COL4A2: variants seen among roughly 807,000 people sequenced by gnomAD.
COL4A2 encodes the protein collagen type IV alpha 2 chain.
A neutral mutation model predicts 200.2 loss-of-function variants in COL4A2; 99 were observed. The ratio of observed to expected loss-of-function variants is 0.49; its 90% CI spans 0.42 to 0.58. The LOEUF (loss-of-function observed/expected upper bound fraction) is 0.58, where lower values mean the gene tolerates loss of function less well. Among genes scored for constraint, COL4A2 ranks in the 20% least tolerant of loss-of-function variants. COL4A2 has a pLI of 0.00. For synonymous variants in COL4A2, 897 were observed against 900.6 expected, an observed-to-expected ratio of 1.00 and a Z score of 0.07; for missense variants, 1,950 against 2,314.1, an observed-to-expected ratio of 0.84 and a Z score of 3.23.
intron 20 of COL4A2, among the ~76,000 whole-genome samples, chr13:110,452,880 A>C (rs1310170431): frequency 6.6e-6 from 1 of 152,002 alleles, no homozygotes; most frequent in African/African-American, 2.4e-5. Flanking sequence ...TTCCCACCTC[A>C]GCCTCTTGAG....
In COL4A2 at chr13:110,424,780, G is replaced by C; in HGVS notation, c.227G>C (p.Gly76Ala). The C allele has an allele frequency of 6.2e-7, 1 of 1,613,258 alleles. No homozygotes were observed. Among genetic ancestry groups the C allele is most frequent in the Non-Finnish European group, 8.5e-7 (1 of 1,179,208 alleles). The part of the protein sequence containing the change: ...VGPQGYNGPP[G>A]LQGFPGLQGR... ...CCCCAGGGGTACAATGGGCCACCAGGATTACAAGGATTCCCGGGACTGCAG... is the reference window on the plus strand; with the variant it reads ...CCCCAGGGGTACAATGGGCCACCAGCATTACAAGGATTCCCGGGACTGCAG... The change falls in exon 5 of 48, where the codon GGA becomes GCA. Residue 76 changes from glycine to alanine, a missense_variant. Physicochemically the swap from Gly to Ala is moderately conservative, Grantham distance 60 (BLOSUM62 0). This residue lies in a region of COL4A2 where 565 missense variants were observed against 593.5 expected (regional missense o/e 0.95). Transcript: ENST00000360467.
At chr13:110,385,539 G>GCCGTGGCTGCAGTGTGTGGATAGA (rs1878675684) in intron 4 of COL4A2, among the ~76,000 whole-genome samples, 1 of 21,984 alleles carries the variant, frequency 4.5e-5, no homozygotes, top group African/African-American at 1.4e-4. Context: ...GCGTGGATAG[G>GCCGTGGCTGCAGTGTGTGGATAGA]CCGTGGTTGC....
chr13:110,413,088 A>T (rs531605112), intron 4 of COL4A2, among the ~76,000 whole-genome samples: 1 of 152,254 alleles, frequency 6.6e-6, no homozygotes, highest in South Asian at 2.1e-4. Flanking sequence ...GAGGGGACTA[A>T]AGGAGAGGGT....
chr13:110,416,735 T>C (rs1450276632), intron 4 of COL4A2, among the ~76,000 whole-genome samples: 1 of 152,254 alleles, frequency 6.6e-6, no homozygotes, highest in East Asian at 1.9e-4. Context: ...CTTAGAATTA[T>C]AGGTGGTACC....
Position 110,428,892 on chromosome 13 carries a change from C to T in COL4A2, c.477+309C>T, listed in dbSNP as rs117184977. The T allele has an allele frequency of 0.017, 4,588 of 272,292 alleles. 67 individuals are homozygous for T. The highest frequency in any genetic ancestry group is 0.024 in the Non-Finnish European group (3,589 of 147,158). The allele number at this position is 272,292 out of a possible 1,614,324, so 16.9% of individuals were successfully genotyped here. A position where few individuals can be genotyped will look rare whatever the true frequency, so the allele number is the denominator to read the frequency against. On this transcript the variant is annotated intron_variant, in intron 7 of 47. Transcript: ENST00000360467. ...GCAAATTAAAAAGCTGAAACCTTGA[C>T]AAAATTCTGTCCATCACCATCTTTA...
intron 8 of COL4A2, 158 bp downstream of exon 8, chr13:110,430,114 G>C: frequency 1.3e-6 from 1 of 787,870 alleles, no homozygotes; most frequent in Non-Finnish European, 1.9e-6. Context: ...CTTCCGATCA[G>C]GATGTTTTCA....
At position 110,485,627 on chromosome 13, in the gene COL4A2, A is replaced by C. The variant is rs569568703; in HGVS notation, c.3026-28A>C. On this transcript the variant is annotated intron_variant, in intron 33 of 47. Transcript: ENST00000360467. ...AGGGCGGGTGCTGCGTCCTCACCAGAGTGTTACACACCAGGGTCTTCCTGC... is the reference window on the plus strand; with the variant it reads ...AGGGCGGGTGCTGCGTCCTCACCAGCGTGTTACACACCAGGGTCTTCCTGC... 10 of 1,561,964 alleles carry C rather than the reference A, an allele frequency of 6.4e-6. No homozygotes were observed. In the East Asian group the frequency reaches 2.0e-4, roughly 32 times the overall value.
Position 110,307,598 on chromosome 13 carries a change from C to A in COL4A2, c.-45+70C>A, listed in dbSNP as rs1236226502. The A allele has an allele frequency of 1.2e-5, 6 of 495,254 alleles. No homozygotes were observed. Among genetic ancestry groups the A allele is most frequent in the Admixed American group, 1.1e-4 (3 of 26,476 alleles). The allele number at this position is 495,254 out of a possible 1,614,324, so 30.7% of individuals were successfully genotyped here. A position where few individuals can be genotyped will look rare whatever the true frequency, so the allele number is the denominator to read the frequency against. On this transcript the variant is annotated intron_variant, in intron 1 of 47. Transcript: ENST00000360467. The surrounding 1 kb of genome is among the most constrained non-coding windows in gnomAD (Gnocchi z 5.0). ...ACCGACTTGGAGCGCCTTGTGCAGG[C>A]TAGGGCTGCACGCTCTCCTGCTTGG...
At chr13:110,352,214 G>T (rs1241407314) in intron 3 of COL4A2, among the ~76,000 whole-genome samples, 2 of 152,204 alleles carry the variant, frequency 1.3e-5, no homozygotes, top group East Asian at 3.9e-4. Flanking sequence ...AGGCTGTCAG[G>T]CAGGGAGGTT....
intron 3 of COL4A2, among the ~76,000 whole-genome samples, chr13:110,354,641 A>G (rs1317736549): frequency 1.4e-5 from 2 of 141,484 alleles, no homozygotes; most frequent in African/African-American, 3.0e-5. Flanking sequence ...TTTTTTTTAT[A>G]GTAGTAACTG....
chr13:110,437,934 C>A, intron 13 of COL4A2, 68 bp from the exon 14 acceptor site: 1 of 1,260,108 alleles, frequency 7.9e-7, no homozygotes. Flanking sequence ...GTCATGAACC[C>A]TGATTGATTT....
At chr13:110,321,008 T>G (rs1439785238) in intron 3 of COL4A2, among the ~76,000 whole-genome samples, 1 of 152,202 alleles carries the variant, frequency 6.6e-6, no homozygotes, top group Non-Finnish European at 1.5e-5. Flanking sequence ...TTTCTAAATA[T>G]TTCATGTGTT....
chr13:110,341,377 C>T (rs759397425), intron 3 of COL4A2, among the ~76,000 whole-genome samples: 38 of 152,324 alleles, frequency 2.5e-4, no homozygotes, highest in Admixed American at 4.6e-4. Context: ...GACTCACTCA[C>T]GAGCCTTAGG....
chr13:110,473,823 G>C (rs554551740), intron 29 of COL4A2, among the ~76,000 whole-genome samples: 12 of 152,188 alleles, frequency 7.9e-5, no homozygotes, highest in Non-Finnish European at 5.9e-5. Context: ...CTGCCATTCA[G>C]TGTTCCAAAT....
At chr13:110,473,565 T>G (rs1882564866) in intron 29 of COL4A2, 1 of 169,298 alleles carries the variant, frequency 5.9e-6, no homozygotes, top group Non-Finnish European at 1.3e-5. Flanking sequence ...ATTCTATTGG[T>G]GTAAAAATTA....
chr13:110,347,316 G>A (rs958868436), intron 3 of COL4A2, among the ~76,000 whole-genome samples: 15 of 152,192 alleles, frequency 9.9e-5, no homozygotes, highest in Non-Finnish European at 1.9e-4. Context: ...CCAGGCATTG[G>A]AGACCCTTTA....
chr13:110,501,606 A>G (rs1883644485), intron 40 of COL4A2, 62 bp from the exon 41 acceptor site: 1 of 1,390,716 alleles, frequency 7.2e-7, no homozygotes, highest in Non-Finnish European at 1.0e-6. Flanking sequence ...TGGAGGGAAA[A>G]TAGTAGATTT....
chr13:110,416,273 A>G (rs970218652), intron 4 of COL4A2, among the ~76,000 whole-genome samples: 4 of 152,238 alleles, frequency 2.6e-5, no homozygotes, highest in Non-Finnish European at 5.9e-5. Flanking sequence ...AGCTCTCTGC[A>G]TGCTGCCTGC....
chr13:110,396,915 G>A (rs1390469301), intron 4 of COL4A2, among the ~76,000 whole-genome samples: 1 of 152,194 alleles, frequency 6.6e-6, no homozygotes, highest in African/African-American at 2.4e-5. Context: ...TAGTCAATGT[G>A]CAAATGTTTT....
Sources: gnomAD v4.1 joint callset for allele counts (sites outside exome capture counted in the v4.1 genomes callset) on GRCh38, gnomAD v4.1.1 for gene constraint, gnomAD v4.1.1 regional missense constraint, Gnocchi (gnomAD v3.1) non-coding constraint, MANE v1.5 for transcripts, NCBI Gene and HGNC (gene_info 2026-07-23, HGNC 2026-07-21) for gene names.